The following GGA1 variants were observed in gnomAD, a reference collection of about 807,000 sequenced individuals.
GGA1 encodes the protein ADP-ribosylation factor-binding protein GGA1.
Under a neutral mutation model 76.9 loss-of-function variants are expected in GGA1, and 18 were observed. That is an observed-to-expected ratio of 0.23 (90% CI 0.16 to 0.35). The LOEUF is 0.35. Ranked by LOEUF, GGA1 falls within the 10% of genes least tolerant of loss-of-function variation. The probability of loss-of-function intolerance (pLI) is 1.00; values close to 1 mark genes in which losing one functional copy is unlikely to be tolerated. For missense variants in GGA1, 755 were observed against 859.0 expected (o/e 0.88, Z 1.51); for synonymous variants, 342 against 354.7 (o/e 0.96, Z 0.40).
chr22:37,621,268 T>TA (rs1929842221), intron 6 of GGA1, among the ~76,000 whole-genome samples: 1 of 152,274 alleles, frequency 6.6e-6, no homozygotes, highest in East Asian at 1.9e-4. Context: ...ATAAAGAGGT[T>TA]AAAGTAAAAG....
rs919525928 is a variant in GGA1, at chr22:37,625,787, C to G, written c.941-10C>G. The G allele has an allele frequency of 1.9e-6, 3 of 1,542,154 alleles. No individual in the cohort carries two copies. The highest frequency in any genetic ancestry group is 1.8e-6 in the Non-Finnish European group (2 of 1,137,740). On this transcript the variant is annotated splice_polypyrimidine_tract_variant and intron_variant, in intron 10 of 16. Transcript: ENST00000343632. This position sits in a 1 kb window ranked among gnomAD's most constrained non-coding sequence, Gnocchi z 4.1. The stretch of plus-strand genomic sequence containing the variant: ...CCCAGGACTTGCCAGCCTCTTCTTT[C>G]CCACCCCAGGGAGCACCTCGGCCCT...
rs553099672 is a variant in GGA1, at chr22:37,633,550, G to A, written c.*839G>A. The A allele has an allele frequency of 3.3e-5, 5 of 152,392 alleles. No individual in the cohort carries two copies. Among genetic ancestry groups the A allele is most frequent in the South Asian group, 4.1e-4 (2 of 4,846 alleles). The allele number at this position is 152,392 out of a possible 1,614,324, so 9.4% of individuals were successfully genotyped here. ...GCAGGAGTATTTATGAAAATAAAAC[G>A]TCGTTTTTCCTGGACCAGCTGCTCT... On this transcript the variant is annotated 3_prime_UTR_variant, in exon 17 of 17. Coordinates refer to ENST00000343632, the MANE Select transcript of GGA1 (RefSeq NM_013365.5).
intron 11 of GGA1, among the ~76,000 whole-genome samples, chr22:37,628,639 T>C (rs925969523): frequency 1.3e-5 from 2 of 152,224 alleles, no homozygotes; most frequent in Non-Finnish European, 2.9e-5. Flanking sequence ...GCATCATCAG[T>C]GCACTTTATC....
chr22:37,618,691 AAC>A (rs1340230537), intron 4 of GGA1, 145 bp downstream of exon 4: 4 of 598,318 alleles, frequency 6.7e-6, no homozygotes, highest in African/African-American at 1.8e-5. Context: ...ACCTAGGAAA[AAC>A]ACAGATCTCT....
At chr22:37,618,241 T>C in intron 3 of GGA1, 1 of 537,554 alleles carries the variant, frequency 1.9e-6, no homozygotes. Flanking sequence ...TGCTGGGCAC[T>C]GTATGTAGGT....
intron 1 of GGA1, chr22:37,612,654 G>T (rs1271058225): frequency 6.6e-6 from 1 of 150,724 alleles, no homozygotes; most frequent in Non-Finnish European, 1.5e-5. Flanking sequence ...GGTGCCTGTA[G>T]TCCCAGCTAC....
At chr22:37,612,626 T>A (rs1033299509) in intron 1 of GGA1, 2 of 147,452 alleles carry the variant, frequency 1.4e-5, no homozygotes, top group African/African-American at 5.0e-5. Flanking sequence ...AAAAAAAAAT[T>A]AGCCGGGCGT....
At chr22:37,620,389 C>A in intron 5 of GGA1, 28 bp downstream of exon 5, 1 of 1,612,436 alleles carries the variant, frequency 6.2e-7, no homozygotes, top group Non-Finnish European at 8.5e-7. Flanking sequence ...TGGGGGGCGA[C>A]CAGGGCCTGC....
Position 37,623,317 on chromosome 22 carries a change from G to A in GGA1, c.610-10G>A, listed in dbSNP as rs753966295. ...AGGTTCTCAGGGGCCCTTGGCCAAT[G>A]TGTCCCCAGGACCAGAAGCGGATGG... On this transcript the variant is annotated splice_polypyrimidine_tract_variant and intron_variant, in intron 7 of 16. Coordinates refer to ENST00000343632, the MANE Select transcript of GGA1 (RefSeq NM_013365.5). This position sits in a 1 kb window ranked among gnomAD's most constrained non-coding sequence, Gnocchi z 4.6. The A allele has an allele frequency of 5.6e-6, 9 of 1,613,794 alleles. No homozygotes were observed. Among genetic ancestry groups the A allele is most frequent in the Non-Finnish European group, 7.6e-6 (9 of 1,179,758 alleles).
rs781127608 is a variant in GGA1 at position 37,632,686 on chromosome 22, C to A, written c.1895C>A (p.Pro632Gln). 1.9e-6 allele frequency: 3 copies of A among 1,605,108 alleles called. No individual in the cohort carries two copies. Among genetic ancestry groups the A allele is most frequent in the Non-Finnish European group, 1.7e-6 (2 of 1,172,966 alleles). ...ATGGGGGATGTGGACCAGTTCCCCC[C>A]ACCTGAAACCTGGGGTAGCCTCTAG... ...NEMGDVDQFP[P>Q]PETWGSL Residue 632 changes from proline to glutamine, a missense_variant, in exon 17 of 17, where the codon CCA becomes CAA. Pro to Gln is a moderately conservative substitution (Grantham distance 76). Coordinates refer to ENST00000343632, the MANE Select transcript of GGA1 (RefSeq NM_013365.5). The surrounding 1 kb of genome is among the most constrained non-coding windows in gnomAD (Gnocchi z 5.1).
Position 37,620,315 on chromosome 22 carries a change from C to T in GGA1, c.381C>T (p.Pro127=), listed in dbSNP as rs766300187. 15 of 1,613,734 alleles carry T rather than the reference C, an allele frequency of 9.3e-6. 1 individual carries two copies. The South Asian group carries it at 1.2e-4, about 13-fold the overall frequency. ...ELLYSWTVGL[P]EEVKIAEAYQ... is the part of the protein sequence containing the mutation. ...TCTACAGCTGGACAGTGGGCCTGCC[C>T]GAGGAGGTGAAAATCGCAGAGGCCT... Residue 127 remains proline (P), a synonymous_variant, in exon 5 of 17, where the codon CCC becomes CCT. Transcript: ENST00000343632.
Position 37,632,837 on chromosome 22 carries a change from C to G in GGA1, c.*126C>G. 1.5e-6 allele frequency: 1 copy of G among 654,174 alleles called. No individual in the cohort carries two copies. The highest frequency in any genetic ancestry group is 2.8e-6 in the Non-Finnish European group (1 of 358,692). The allele number at this position is 654,174 out of a possible 1,614,324, so 40.5% of individuals were successfully genotyped here. On this transcript the variant is annotated 3_prime_UTR_variant, in exon 17 of 17. Transcript: ENST00000343632. This position sits in a 1 kb window ranked among gnomAD's most constrained non-coding sequence, Gnocchi z 5.1. ...TTCACCCCCAGGCCTGGTGCTTCTC[C>G]CCACACCCCTGTAGGCCTCAAGTGA...
At position 37,624,871 on chromosome 22, in the gene GGA1, T is replaced by G; in HGVS notation, c.833-98T>G. 6.7e-7 allele frequency: 1 copy of G among 1,483,420 alleles called. No homozygotes were observed. The allele number at this position is 1,483,420 out of a possible 1,614,324, so 91.9% of individuals were successfully genotyped here. On this transcript the variant is annotated intron_variant, in intron 9 of 16. Transcript: ENST00000343632. The surrounding 1 kb of genome is among the most constrained non-coding windows in gnomAD (Gnocchi z 4.3). ...GTTTCCCTGCCCCTTTCCCTTCCCC[T>G]CACACACAGGCTGTGATGGATGTGG...
chr22:37,618,383 G>A (rs190991578), intron 3 of GGA1, 65 bp from the exon 4 acceptor site: 88 of 925,052 alleles, frequency 9.5e-5, no homozygotes, highest in East Asian at 6.5e-4. Context: ...TGTCCAAGGC[G>A]TGGGAGGGAG....
In GGA1 at chr22:37,632,429, C is replaced by T; in HGVS notation, c.1723C>T (p.Pro575Ser). 6.2e-7 allele frequency: 1 copy of T among 1,613,344 alleles called. No homozygotes were observed. Among genetic ancestry groups the T allele is most frequent in the Non-Finnish European group, 8.5e-7 (1 of 1,179,326 alleles). Residue 575 changes from proline (P) to serine (S), a missense_variant, in exon 16 of 17, where the codon CCC (proline) becomes TCC (serine). By Grantham distance (74) the Pro-to-Ser change is moderately conservative. Transcript: ENST00000343632. This position sits in a 1 kb window ranked among gnomAD's most constrained non-coding sequence, Gnocchi z 5.1. The part of the protein sequence containing the change: ...PKVMKVKLQP[P>S]SGTELPAFNP... ...GGTTATGAAGGTGAAGCTGCAGCCACCCTCGGGCACGGAGCTGCCAGCTTT... is the reference window on the plus strand; with the variant it reads ...GGTTATGAAGGTGAAGCTGCAGCCATCCTCGGGCACGGAGCTGCCAGCTTT...
Position 37,620,884 on chromosome 22 carries a change from G to T in GGA1, c.499G>T (p.Val167Leu). 1.2e-6 allele frequency: 2 copies of T among 1,611,338 alleles called. No homozygotes were observed. Among genetic ancestry groups the T allele is most frequent in the Non-Finnish European group, 1.7e-6 (2 of 1,177,428 alleles). The change falls in exon 6 of 17, where the codon GTG becomes TTG. Residue 167 changes from valine (V) to leucine (L), a missense_variant. Coordinates refer to ENST00000343632, the MANE Select transcript of GGA1 (RefSeq NM_013365.5). ...FPLPPPRPKNVIFEDEEKSKM... is the reference protein window; with the variant it reads ...FPLPPPRPKNLIFEDEEKSKM... ...CCTTCCTCCTCCACGGCCGAAGAAT[G>T]TGATCTTTGAAGATGAGGAGAAATC...
chr22:37,614,404 A>C, intron 2 of GGA1, 130 bp downstream of exon 2: 1 of 668,254 alleles, frequency 1.5e-6, no homozygotes, highest in Non-Finnish European at 2.7e-6. Flanking sequence ...AGGATGGGGC[A>C]CTTGGCACTG....
intron 3 of GGA1, chr22:37,617,434 G>A: frequency 9.6e-7 from 1 of 1,045,778 alleles, no homozygotes; most frequent in Non-Finnish European, 1.2e-6. Context: ...AATAGCAGAG[G>A]AGAGAGGGGT....
At chr22:37,628,577 GTTGT>G (rs1931251464) in intron 11 of GGA1, among the ~76,000 whole-genome samples, 1 of 152,164 alleles carries the variant, frequency 6.6e-6, no homozygotes, top group Non-Finnish European at 1.5e-5. Flanking sequence ...ACCTTTGAAG[GTTGT>G]TTGAGGATTA....
Sources: allele counts gnomAD v4.1 joint callset (sites outside exome capture counted in the v4.1 genomes callset), GRCh38; gene constraint gnomAD v4.1.1; non-coding constraint Gnocchi (gnomAD v3.1); transcripts MANE v1.5; gene names NCBI Gene and HGNC (gene_info 2026-07-23, HGNC 2026-07-21).